The following PDE4B variants were observed in gnomAD, a reference collection of about 807,000 sequenced individuals.
PDE4B encodes phosphodiesterase 4B, also known as 3',5'-cyclic-AMP phosphodiesterase 4B.
In PDE4B, 20 loss-of-function variants were observed where a neutral mutation model predicts 82.2. The ratio of observed to expected loss-of-function variants is 0.24; its 90% confidence interval spans 0.17 to 0.35. The LOEUF (loss-of-function observed/expected upper bound fraction) is 0.35, where lower values mean the gene tolerates loss of function less well. PDE4B is among the 10% of genes least tolerant of loss of function. The pLI, the probability that PDE4B is intolerant of heterozygous loss-of-function variation, is 1.00. For synonymous variants in PDE4B, 320 were observed against 318.9 expected, an observed-to-expected ratio of 1.00 and a Z score of -0.04; for missense variants, 655 against 907.2, an observed-to-expected ratio of 0.72 and a Z score of 3.57.
chr1:65,966,424 C>T (rs1287337880), intron 3 of PDE4B, among the ~76,000 whole-genome samples: 2 of 152,188 alleles, frequency 1.3e-5, no homozygotes, highest in African/African-American at 4.8e-5. Flanking sequence ...GAAAAACATT[C>T]CGTCCTCATG....
intron 1 of PDE4B, among the ~76,000 whole-genome samples, chr1:65,851,822 G>A (rs1646336275): frequency 1.3e-5 from 2 of 151,812 alleles, no homozygotes; most frequent in African/African-American, 2.4e-5. Context: ...AGTGAGATTG[G>A]AGTTCTTGTT....
intron 16 of PDE4B, 79 bp downstream of exon 16, chr1:66,369,048 T>C (rs1414439658): frequency 9.3e-7 from 1 of 1,073,260 alleles, no homozygotes; most frequent in Non-Finnish European, 1.3e-6. Flanking sequence ...ATTCCGTTTT[T>C]CCAATAGAAT....
intron 3 of PDE4B, among the ~76,000 whole-genome samples, chr1:66,224,241 CCT>C (rs1651242362): frequency 6.6e-6 from 1 of 152,104 alleles, no homozygotes; most frequent in Non-Finnish European, 1.5e-5. Flanking sequence ...CCCCTCAACC[CCT>C]CTCACACACA....
chr1:65,907,918 C>A (rs1192837476), intron 1 of PDE4B, among the ~76,000 whole-genome samples: 1 of 152,136 alleles, frequency 6.6e-6, no homozygotes, highest in Non-Finnish European at 1.5e-5. Context: ...ATTTCACGTT[C>A]TGTAAGGATA....
chr1:65,903,846 A>G (rs1646998773), intron 1 of PDE4B, among the ~76,000 whole-genome samples: 1 of 152,154 alleles, frequency 6.6e-6, no homozygotes, highest in Non-Finnish European at 1.5e-5. Flanking sequence ...ACAGGCCCAA[A>G]TTGGATGTTG....
intron 7 of PDE4B, among the ~76,000 whole-genome samples, chr1:66,328,816 TGTTAGCAGCC>T (rs1172203551): frequency 6.6e-6 from 1 of 152,158 alleles, no homozygotes; most frequent in East Asian, 1.9e-4. Flanking sequence ...AGATGGGACA[TGTTAGCAGCC>T]GTCTTTGCCC....
intron 3 of PDE4B, 143 bp downstream of exon 3, chr1:65,918,978 C>A: frequency 1.6e-6 from 1 of 626,058 alleles, no homozygotes; most frequent in Non-Finnish European, 2.8e-6. Flanking sequence ...CCTTTAGAAT[C>A]AAAGATAAGG....
At chr1:66,090,621 ATGTGTGTGTGTGTGTGTG>A (rs146947689) in intron 3 of PDE4B, among the ~76,000 whole-genome samples, 6 of 122,712 alleles carry the variant, frequency 4.9e-5, no homozygotes, top group African/African-American at 2.1e-4. Flanking sequence ...TATATAATAT[ATGTGTGTGTGTGTGTGTG>A]TATGTACGTA....
intron 1 of PDE4B, among the ~76,000 whole-genome samples, chr1:65,881,448 T>TC (rs1251371976): frequency 1.3e-5 from 2 of 152,172 alleles, no homozygotes; most frequent in African/African-American, 4.8e-5. Context: ...CAGACCTGCT[T>TC]CCTGTCCTCA....
chr1:66,148,218 C>G lies in PDE4B; in HGVS notation c.282-99242C>G, dbSNP rs1035507097. Among the ~76,000 whole-genome samples the G allele has an allele frequency of 1.3e-5, 2 of 152,082 alleles. 1 individual carries two copies. Among genetic ancestry groups the G allele is most frequent in the South Asian group, 4.2e-4 (2 of 4,798 alleles). On this transcript the variant is annotated intron_variant, in intron 3 of 16. Coordinates refer to ENST00000341517, the MANE Select transcript of PDE4B (RefSeq NM_002600.4). ...CTGAGAGGCAGTGGTTGCAGTGAGC[C>G]CAGATTGCACCACTGCACTTCAGCT... is the stretch of plus-strand genomic sequence containing the variant.
chr1:66,123,766 C>G (rs11811769), intron 3 of PDE4B, among the ~76,000 whole-genome samples: 10,227 of 152,170 alleles, frequency 0.067, 674 homozygotes, highest in African/African-American at 0.17. Context: ...AGATGCTTTT[C>G]AAAATACGTA....
chr1:65,882,841 A>C (rs946082020), intron 1 of PDE4B, among the ~76,000 whole-genome samples: 1 of 152,236 alleles, frequency 6.6e-6, no homozygotes, highest in Non-Finnish European at 1.5e-5. Context: ...AATTCAACAG[A>C]TAACAGGAAG....
At chr1:65,839,614 G>C (rs1410835374) in intron 1 of PDE4B, among the ~76,000 whole-genome samples, 1 of 152,002 alleles carries the variant, frequency 6.6e-6, no homozygotes, top group Non-Finnish European at 1.5e-5. Flanking sequence ...CTTTTTTATG[G>C]CTGCATAGTA....
chr1:65,996,252 A>ATTTTAAGACTCTAGAGAAAAT (rs1164199905), intron 3 of PDE4B, among the ~76,000 whole-genome samples: 1 of 152,134 alleles, frequency 6.6e-6, no homozygotes, highest in East Asian at 1.9e-4. Flanking sequence ...AATAATTCTA[A>ATTTTAAGACTCTAGAGAAAAT]AATCTCACTT....
chr1:66,349,692 G>A (rs1661678109), intron 8 of PDE4B, among the ~76,000 whole-genome samples: 1 of 152,148 alleles, frequency 6.6e-6, no homozygotes. Flanking sequence ...ATGATTGGTA[G>A]AGTTTATAGG....
At chr1:66,013,135 G>T (rs541333513) in intron 3 of PDE4B, among the ~76,000 whole-genome samples, 2 of 152,060 alleles carry the variant, frequency 1.3e-5, no homozygotes, top group African/African-American at 2.4e-5. Context: ...TATCTTCCCA[G>T]AATTGAATTG....
At chr1:66,122,079 C>T (rs756365596) in intron 3 of PDE4B, among the ~76,000 whole-genome samples, 5 of 152,058 alleles carry the variant, frequency 3.3e-5, no homozygotes, top group Non-Finnish European at 5.9e-5. Context: ...TTAAGAGCAA[C>T]AACTTTGAAG....
intron 3 of PDE4B, among the ~76,000 whole-genome samples, chr1:65,975,995 A>G (rs1369365734): frequency 6.6e-6 from 1 of 152,224 alleles, no homozygotes; most frequent in Non-Finnish European, 1.5e-5. Flanking sequence ...CCACTGAGAC[A>G]CTGCCCAGTG....
At chr1:66,115,000 A>G (rs1018768195) in intron 3 of PDE4B, among the ~76,000 whole-genome samples, 7 of 152,170 alleles carry the variant, frequency 4.6e-5, no homozygotes, top group Non-Finnish European at 8.8e-5. Flanking sequence ...GGAGTTTACA[A>G]TCCAATTTAT....
Sources: allele counts gnomAD v4.1 joint callset (sites outside exome capture counted in the v4.1 genomes callset), GRCh38; gene constraint gnomAD v4.1.1; transcripts MANE v1.5; gene names NCBI Gene and HGNC (gene_info 2026-07-23, HGNC 2026-07-21).